PAX5: variants seen among roughly 807,000 people sequenced by gnomAD.
The protein encoded by PAX5 is paired box protein Pax-5.
In PAX5, 9 loss-of-function variants were observed where a neutral mutation model predicts 43.7. The observed-to-expected ratio is 0.21, with a 90% CI of 0.12 to 0.36. The LOEUF (loss-of-function observed/expected upper bound fraction) is 0.36. PAX5 is among the 10% of genes least tolerant of loss of function. The probability of loss-of-function intolerance (pLI) is 1.00; values close to 1 mark genes in which losing one functional copy is unlikely to be tolerated. For synonymous variants in PAX5, 228 were observed against 214.3 expected (o/e 1.06, Z -0.56); for missense variants, 383 against 532.7 (o/e 0.72, Z 2.77).
At chr9:36,965,120 A>C (rs1355926126) in intron 6 of PAX5, among the ~76,000 whole-genome samples, 2 of 151,722 alleles carry the variant, frequency 1.3e-5, no homozygotes, top group African/African-American at 4.9e-5. Context: ...CCTTTCCCCC[A>C]GGAGGCCACT....
At chr9:37,027,952 C>T (rs112625853) in intron 1 of PAX5, among the ~76,000 whole-genome samples, 3,661 of 152,322 alleles carry the variant, frequency 0.024, 161 homozygotes, top group African/African-American at 0.084. Flanking sequence ...CCTAGTGGAT[C>T]GCGGCTGTGG....
At chr9:36,948,895 ACT>A (rs1832771669) in intron 6 of PAX5, among the ~76,000 whole-genome samples, 1 of 151,568 alleles carries the variant, frequency 6.6e-6, no homozygotes, top group Non-Finnish European at 1.5e-5. Flanking sequence ...CATGACCCTG[ACT>A]CTCTGCCCTG....
intron 6 of PAX5, among the ~76,000 whole-genome samples, chr9:36,926,674 A>G (rs1041433887): frequency 2.0e-5 from 3 of 152,232 alleles, no homozygotes; most frequent in African/African-American, 7.2e-5. Context: ...CCTAGATGGC[A>G]TCTTCTAGAG....
intron 3 of PAX5, 71 bp downstream of exon 3, chr9:37,014,926 C>T: frequency 2.2e-6 from 3 of 1,391,994 alleles, no homozygotes; most frequent in Non-Finnish European, 3.0e-6. Context: ...TCAGGAAAGG[C>T]ACATGCAGAG....
chr9:37,021,715 A>C (rs1309324872), intron 1 of PAX5, among the ~76,000 whole-genome samples: 6 of 152,222 alleles, frequency 3.9e-5, no homozygotes, highest in Admixed American at 3.9e-4. Flanking sequence ...GAAGGACACA[A>C]GGACTCAAGT....
chr9:36,895,282 A>G (rs1827764089), intron 7 of PAX5, among the ~76,000 whole-genome samples: 1 of 152,378 alleles, frequency 6.6e-6, no homozygotes, highest in African/African-American at 2.4e-5. Flanking sequence ...CATGCGAGGT[A>G]CATGAAGAAT....
At chr9:36,840,689 C>T (rs1821975737) in intron 9 of PAX5, 53 bp from the exon 10 acceptor site, 2 of 1,130,536 alleles carry the variant, frequency 1.8e-6, no homozygotes, top group African/African-American at 3.0e-5. Flanking sequence ...CCCTTTCCAC[C>T]AGTCTCCTCC....
chr9:36,838,944 C>G lies in PAX5; in HGVS notation c.*1616G>C, dbSNP rs1437413797. 2 of 233,444 alleles carry G rather than the reference C, an allele frequency of 8.6e-6. No individual in the cohort carries two copies. Among genetic ancestry groups the G allele is most frequent in the Non-Finnish European group, 1.7e-5 (2 of 118,138 alleles). The allele number at this position is 233,444 out of a possible 1,614,324, so 14.5% of individuals were successfully genotyped here. A position where few individuals can be genotyped will look rare whatever the true frequency, so the allele number is the denominator to read the frequency against. On this transcript the variant is annotated 3_prime_UTR_variant, in exon 10 of 10. Transcript: ENST00000358127. ...AGTCCAGTCTCTCTCTGCCCTGGCT[C>G]TCTGCCATCCTGGTGACATACAGAT...
Position 36,882,235 on chromosome 9 carries a change from C to A in PAX5, c.911-130G>T. 3.1e-6 allele frequency: 2 copies of A among 644,324 alleles called. No individual in the cohort carries two copies. Among genetic ancestry groups the A allele is most frequent in the Non-Finnish European group, 5.3e-6 (2 of 375,638 alleles). 39.9% of individuals were successfully genotyped at this position (644,324 alleles called of 1,614,324 possible). ...GAACGGCAATGTGCCCCCAGCTCCC[C>A]CCTGTCGCTCACACGCTCTCACAAA... On this transcript the variant is annotated intron_variant, in intron 7 of 9. Transcript: ENST00000358127. The surrounding 1 kb of genome is among the most constrained non-coding windows in gnomAD (Gnocchi z 4.4).
intron 6 of PAX5, among the ~76,000 whole-genome samples, chr9:36,957,844 C>T (rs1432434330): frequency 1.3e-5 from 2 of 152,174 alleles, no homozygotes; most frequent in African/African-American, 4.8e-5. Flanking sequence ...GAAGTCAACG[C>T]AAACTACGAA....
intron 7 of PAX5, among the ~76,000 whole-genome samples, chr9:36,899,167 C>A (rs1563945642): frequency 6.6e-6 from 1 of 152,208 alleles, no homozygotes; most frequent in Non-Finnish European, 1.5e-5. Context: ...CCGCAGAGTC[C>A]TGGCAGGCGC....
intron 4 of PAX5, 134 bp downstream of exon 4, chr9:37,006,339 T>G: frequency 1.7e-6 from 1 of 589,456 alleles, no homozygotes. Context: ...CCTTGGAGAA[T>G]GACAAAGAAG....
intron 8 of PAX5, among the ~76,000 whole-genome samples, chr9:36,859,925 C>T (rs1482792318): frequency 6.6e-6 from 1 of 152,066 alleles, no homozygotes; most frequent in Non-Finnish European, 1.5e-5. Context: ...GTCCCAGCTA[C>T]TCAGGAGGCT....
At chr9:36,920,064 C>T (rs1370224258) in intron 7 of PAX5, among the ~76,000 whole-genome samples, 2 of 152,026 alleles carry the variant, frequency 1.3e-5, no homozygotes, top group Non-Finnish European at 2.9e-5. Flanking sequence ...GAATTGCTGC[C>T]ATCTCATGAT....
At chr9:36,981,433 G>GGAAAA (rs1588140012) in intron 5 of PAX5, among the ~76,000 whole-genome samples, 2 of 17,254 alleles carry the variant, frequency 1.2e-4, no homozygotes, top group Non-Finnish European at 1.3e-4. Context: ...ACTGAAACTG[G>GGAAAA]CAAAAAAAAA....
intron 5 of PAX5, among the ~76,000 whole-genome samples, chr9:36,971,438 C>A (rs968623291): frequency 6.6e-6 from 1 of 152,230 alleles, no homozygotes; most frequent in Non-Finnish European, 1.5e-5. Context: ...CATTTCTCAT[C>A]TGCACCATGA....
chr9:36,916,535 T>C (rs765858324), intron 7 of PAX5, among the ~76,000 whole-genome samples: 8 of 152,214 alleles, frequency 5.3e-5, no homozygotes, highest in Non-Finnish European at 1.2e-4. Context: ...GTTGGCATTT[T>C]ATGATATTTA....
chr9:36,973,036 A>AAG lies in PAX5; in HGVS notation c.605-6313_605-6312insCT, dbSNP rs774097931. Among the ~76,000 whole-genome samples the AAG allele has an allele frequency of 1.7e-4, 26 of 151,238 alleles. No homozygotes were observed. The South Asian group carries it at 3.8e-3, about 22-fold the overall frequency. On this transcript the variant is annotated intron_variant, in intron 5 of 9. Coordinates refer to ENST00000358127, the MANE Select transcript of PAX5 (RefSeq NM_016734.3). ...GAGCGAGATTCAGTCTCAAAAAAAA[A>AAG]AAGAAGAAAGAAAGAAAGAAAAGGA...
intron 5 of PAX5, among the ~76,000 whole-genome samples, chr9:36,980,583 T>C (rs920091651): frequency 2.0e-5 from 3 of 151,982 alleles, no homozygotes; most frequent in African/African-American, 7.3e-5. Flanking sequence ...ATGATATCAA[T>C]ACATTCACAA....
Sources: gnomAD v4.1 joint callset for allele counts (sites outside exome capture counted in the v4.1 genomes callset) on GRCh38, gnomAD v4.1.1 for gene constraint, Gnocchi (gnomAD v3.1) non-coding constraint, MANE v1.5 for transcripts, NCBI Gene and HGNC (gene_info 2026-07-23, HGNC 2026-07-21) for gene names.